Variants in LRRTM4 observed in about 807,000 individuals in gnomAD.
LRRTM4 encodes leucine rich repeat transmembrane neuronal 4.
Under a neutral mutation model 47.6 loss-of-function variants are expected in LRRTM4, and 25 were observed. That is an observed-to-expected ratio of 0.53 (90% confidence interval 0.38 to 0.73). The LOEUF is 0.73. Among genes scored for constraint, LRRTM4 ranks in the 30% least tolerant of loss-of-function variants. The probability of loss-of-function intolerance (pLI) is 0.00; values close to 1 mark genes in which losing one functional copy is unlikely to be tolerated. For missense variants in LRRTM4, 638 were observed against 713.4 expected (o/e 0.89, Z 1.20); for synonymous variants, 311 against 269.5 (o/e 1.15, Z -1.51).
chr2:77,126,074 A>G (rs531241331), intron 3 of LRRTM4, among the ~76,000 whole-genome samples: 1 of 151,982 alleles, frequency 6.6e-6, no homozygotes, highest in East Asian at 1.9e-4. Flanking sequence ...ATTTTCTGCA[A>G]TAAGATATTA....
At chr2:77,028,440 G>A (rs971016236) in intron 3 of LRRTM4, among the ~76,000 whole-genome samples, 3 of 152,090 alleles carry the variant, frequency 2.0e-5, no homozygotes, top group South Asian at 4.1e-4. Flanking sequence ...AAAATCCCAA[G>A]AGAGTATAAA....
chr2:77,497,357 G>GTT (rs5832286), intron 3 of LRRTM4, among the ~76,000 whole-genome samples: 29 of 148,804 alleles, frequency 1.9e-4, no homozygotes, highest in South Asian at 4.3e-4. Context: ...GATTTGCTCT[G>GTT]TTTTTTTTTA....
At chr2:77,503,043 GGTTTTTT>G (rs1408798604) in intron 3 of LRRTM4, among the ~76,000 whole-genome samples, 48 of 150,978 alleles carry the variant, frequency 3.2e-4, no homozygotes, top group African/African-American at 1.2e-3. Flanking sequence ...GGTCATTCAG[GGTTTTTT>G]TTTTTTAGCT....
chr2:76,982,713 G>T (rs1355387423), intron 3 of LRRTM4, among the ~76,000 whole-genome samples: 1 of 152,006 alleles, frequency 6.6e-6, no homozygotes. Context: ...CCGAAGAGAT[G>T]AAAGAGAGGC....
chr2:76,788,823 A>G (rs1413384754), intron 3 of LRRTM4, among the ~76,000 whole-genome samples: 3 of 152,064 alleles, frequency 2.0e-5, no homozygotes, highest in African/African-American at 2.4e-5. Flanking sequence ...AGAAGTTTTT[A>G]TATTAAAATC....
In LRRTM4 at chr2:76,916,088, C is replaced by CAG. The variant is rs1167988608; in HGVS notation, c.1552-167173_1552-167172insCT. Among the ~76,000 whole-genome samples the CAG allele has an allele frequency of 2.6e-5, 4 of 151,812 alleles. No individual in the cohort carries two copies. In the East Asian group the frequency reaches 5.8e-4, roughly 22 times the overall value. On this transcript the variant is annotated intron_variant, in intron 3 of 3. Coordinates refer to ENST00000409884, the MANE Select transcript of LRRTM4 (RefSeq NM_001134745.3). ...GATGAGACAGAAGAACAAAAAATGA[C>CAG]ACACAGAACAGATGCAGGAGATAAA...
chr2:77,239,840 T>C (rs1392461071), intron 3 of LRRTM4, among the ~76,000 whole-genome samples: 4 of 151,932 alleles, frequency 2.6e-5, no homozygotes, highest in East Asian at 3.9e-4. Flanking sequence ...TATCTAGTAA[T>C]TGATAGAATA....
At chr2:76,848,480 T>A (rs558733714) in intron 3 of LRRTM4, among the ~76,000 whole-genome samples, 25 of 152,262 alleles carry the variant, frequency 1.6e-4, no homozygotes, top group African/African-American at 6.0e-4. Context: ...GAGGATATTT[T>A]GACATTTTTC....
At chr2:77,243,179 G>A (rs962360376) in intron 3 of LRRTM4, among the ~76,000 whole-genome samples, 3 of 152,048 alleles carry the variant, frequency 2.0e-5, no homozygotes, top group Non-Finnish European at 4.4e-5. Context: ...TTGGGAGGCC[G>A]AGGCGGGTGG....
chr2:77,473,892 C>A (rs2103998106), intron 3 of LRRTM4, among the ~76,000 whole-genome samples: 1 of 152,286 alleles, frequency 6.6e-6, no homozygotes, highest in Middle Eastern at 3.4e-3. Flanking sequence ...GCCAAGCCCG[C>A]TTGTACATCA....
chr2:77,482,352 A>G (rs1020075692), intron 3 of LRRTM4, among the ~76,000 whole-genome samples: 1 of 152,196 alleles, frequency 6.6e-6, no homozygotes, highest in Non-Finnish European at 1.5e-5. Flanking sequence ...CACGAAATAA[A>G]TGAAGAGGCA....
chr2:77,258,869 T>C (rs916671114), intron 3 of LRRTM4, among the ~76,000 whole-genome samples: 16 of 151,968 alleles, frequency 1.1e-4, no homozygotes, highest in African/African-American at 3.6e-4. Context: ...ATAAGAGTGA[T>C]ATTTTTAAAA....
intron 3 of LRRTM4, among the ~76,000 whole-genome samples, chr2:77,494,587 C>A: frequency 7.3e-6 from 1 of 137,070 alleles, no homozygotes; most frequent in Non-Finnish European, 1.6e-5. Context: ...CTGCTTTTCC[C>A]ATTTTTTTTT....
chr2:77,493,036 A>G (rs995423085), intron 3 of LRRTM4, among the ~76,000 whole-genome samples: 2 of 152,108 alleles, frequency 1.3e-5, no homozygotes, highest in African/African-American at 4.8e-5. Flanking sequence ...ATAACCTCAT[A>G]GTAATAAATA....
chr2:77,024,659 A>C (rs558994691), intron 3 of LRRTM4, among the ~76,000 whole-genome samples: 1 of 152,250 alleles, frequency 6.6e-6, no homozygotes, highest in East Asian at 1.9e-4. Flanking sequence ...AGGGATAATA[A>C]AACTTATTTT....
intron 3 of LRRTM4, among the ~76,000 whole-genome samples, chr2:76,942,300 C>G (rs531202823): frequency 6.6e-6 from 1 of 152,208 alleles, no homozygotes; most frequent in South Asian, 2.1e-4. Flanking sequence ...TGTGCAGAAA[C>G]TCTTTAGCTT....
At chr2:77,515,608 T>A (rs11892926) in intron 3 of LRRTM4, among the ~76,000 whole-genome samples, 94,425 of 151,306 alleles carry the variant, frequency 0.62, 29,773 homozygotes, top group Middle Eastern at 0.73. Context: ...AATTTTTTTT[T>A]AAAAAAACCT....
intron 3 of LRRTM4, among the ~76,000 whole-genome samples, chr2:77,477,170 T>C (rs1181020243): frequency 2.0e-5 from 3 of 152,082 alleles, no homozygotes; most frequent in East Asian, 3.9e-4. Flanking sequence ...ATCATGAAGA[T>C]AGAGTGCACA....
intron 3 of LRRTM4, among the ~76,000 whole-genome samples, chr2:76,934,384 G>A (rs77667122): frequency 0.044 from 6,757 of 152,098 alleles, 335 homozygotes; most frequent in East Asian, 0.13. Flanking sequence ...AGATCCAGTC[G>A]TATATATGAC....
Sources: allele counts gnomAD v4.1 joint callset (sites outside exome capture counted in the v4.1 genomes callset), GRCh38; gene constraint gnomAD v4.1.1; transcripts MANE v1.5; gene names NCBI Gene and HGNC (gene_info 2026-07-23, HGNC 2026-07-21).